CRPPA: variants seen among roughly 807,000 people sequenced by gnomAD.
The protein encoded by CRPPA is CDP-L-ribitol pyrophosphorylase A.
Under a neutral mutation model 52.0 loss-of-function variants are expected in CRPPA, and 43 were observed. That is an observed-to-expected ratio of 0.83 (90% CI 0.65 to 1.07). The LOEUF is 1.07. CRPPA is among the 50% of genes least tolerant of loss of function. The pLI is 0.00. For missense variants in CRPPA, 629 were observed against 551.7 expected (o/e 1.14, Z -1.40); for synonymous variants, 250 against 203.5 (o/e 1.23, Z -1.94).
In CRPPA at chr7:16,281,373, C is replaced by T. The variant is rs557943508; in HGVS notation, c.836-3147G>A. Among the ~76,000 whole-genome samples the T allele has an allele frequency of 2.7e-5, 4 of 150,308 alleles. No individual in the cohort carries two copies. The South Asian group carries it at 8.4e-4, about 32-fold the overall frequency. On this transcript the variant is annotated intron_variant, in intron 5 of 9. Coordinates refer to ENST00000407010, the MANE Select transcript of CRPPA (RefSeq NM_001101426.4). ...TATAAAAATACATTTTGATACAGACCTTGTATAGTCAGTAACCTTGCTACA... is the reference window on the plus strand; with the variant it reads ...TATAAAAATACATTTTGATACAGACTTTGTATAGTCAGTAACCTTGCTACA...
At position 16,399,665 on chromosome 7, in the gene CRPPA, T is replaced by A. The variant is rs114492581; in HGVS notation, c.534+6396A>T. Among the ~76,000 whole-genome samples the A allele has an allele frequency of 3.9e-3, 594 of 151,998 alleles. 5 individuals carry two copies. The highest frequency in any genetic ancestry group is 0.014 in the African/African-American group (574 of 41,450). ...CGACATGTAATCAACGTGTGACACG[T>A]GGCCGACGCATGACCAGTGACACGT... On this transcript the variant is annotated intron_variant, in intron 2 of 9. Transcript: ENST00000407010.
intron 2 of CRPPA, among the ~76,000 whole-genome samples, chr7:16,404,236 C>A (rs1321861703): frequency 6.6e-6 from 1 of 152,102 alleles, no homozygotes; most frequent in Non-Finnish European, 1.5e-5. Flanking sequence ...TGTTCTGAAC[C>A]AGCTTCTTAA....
intron 1 of CRPPA, among the ~76,000 whole-genome samples, chr7:16,416,276 C>A (rs1391947614): frequency 6.6e-6 from 1 of 152,098 alleles, no homozygotes. Context: ...GAAAAGGACT[C>A]CCTATTCCAT....
At chr7:16,375,500 A>G (rs780635835) in intron 3 of CRPPA, among the ~76,000 whole-genome samples, 1 of 152,216 alleles carries the variant, frequency 6.6e-6, no homozygotes, top group Non-Finnish European at 1.5e-5. Context: ...TTTAACTAAA[A>G]TTTTGATTAA....
intron 4 of CRPPA, among the ~76,000 whole-genome samples, chr7:16,307,510 C>T (rs1245797985): frequency 4.0e-5 from 6 of 151,644 alleles, no homozygotes; most frequent in Admixed American, 3.3e-4. Context: ...GGTGAAACCC[C>T]GTCTCTACTA....
chr7:16,281,207 T>A (rs2128418386), intron 5 of CRPPA, among the ~76,000 whole-genome samples: 1 of 152,308 alleles, frequency 6.6e-6, no homozygotes, highest in South Asian at 2.1e-4. Flanking sequence ...ATGAACATGA[T>A]TTGTCCCCTG....
intron 1 of CRPPA, among the ~76,000 whole-genome samples, chr7:16,414,232 C>G (rs138541981): frequency 6.6e-6 from 1 of 152,194 alleles, no homozygotes; most frequent in Non-Finnish European, 1.5e-5. Context: ...AACCCCTACC[C>G]AACTCATCAC....
At chr7:16,389,928 A>AAAAAAAAAT in intron 2 of CRPPA, among the ~76,000 whole-genome samples, 10 of 29,758 alleles carry the variant, frequency 3.4e-4, no homozygotes, top group South Asian at 1.7e-3. Context: ...AAAAAAAAAA[A>AAAAAAAAAT]ATATATATAT....
chr7:16,295,468 A>G (rs772128986), intron 5 of CRPPA, among the ~76,000 whole-genome samples: 16 of 152,226 alleles, frequency 1.1e-4, no homozygotes, highest in Non-Finnish European at 1.8e-4. Flanking sequence ...ACCATGAGGC[A>G]GTTTTGTAGC....
At chr7:16,104,011 G>T (rs750276741) in intron 9 of CRPPA, among the ~76,000 whole-genome samples, 10 of 152,096 alleles carry the variant, frequency 6.6e-5, no homozygotes, top group Non-Finnish European at 1.2e-4. Context: ...GCAAAGAAAA[G>T]GATCATTTAA....
chr7:16,408,117 A>AT (rs1345629476), intron 1 of CRPPA, among the ~76,000 whole-genome samples: 2 of 150,726 alleles, frequency 1.3e-5, no homozygotes, highest in Admixed American at 1.3e-4. Context: ...TTAAAAAAAA[A>AT]AAAATAAAAA....
chr7:16,399,934 CCA>C (rs1362049021), intron 2 of CRPPA, among the ~76,000 whole-genome samples: 2 of 151,518 alleles, frequency 1.3e-5, no homozygotes, highest in African/African-American at 2.4e-5. Flanking sequence ...TGTTATGTGA[CCA>C]TATGTGACAC....
At position 16,280,532 on chromosome 7, in the gene CRPPA, T is replaced by A. The variant is rs559411480; in HGVS notation, c.836-2306A>T. On this transcript the variant is annotated intron_variant, in intron 5 of 9. Transcript: ENST00000407010. ...TGTGATGGTGCCACAAACATTTATA[T>A]AAATTTGTAAAATAATGCATAACAT... is the stretch of plus-strand genomic sequence containing the variant. 2.5e-4 allele frequency among the ~76,000 whole-genome samples: 38 copies of A among 152,318 alleles called. No individual in the cohort carries two copies. The South Asian group carries it at 7.1e-3, about 28-fold the overall frequency.
At chr7:16,296,366 G>A (rs887542799) in intron 5 of CRPPA, among the ~76,000 whole-genome samples, 2 of 152,014 alleles carry the variant, frequency 1.3e-5, no homozygotes, top group Non-Finnish European at 2.9e-5. Context: ...ATGTTGACTT[G>A]AACATAAATT....
chr7:16,157,120 G>T (rs1481178266), intron 9 of CRPPA, among the ~76,000 whole-genome samples: 1 of 151,780 alleles, frequency 6.6e-6, no homozygotes, highest in Non-Finnish European at 1.5e-5. Context: ...TTTTTCAGAA[G>T]GAGAAGAAAT....
At chr7:16,108,445 C>T (rs1782198170) in intron 9 of CRPPA, among the ~76,000 whole-genome samples, 1 of 151,744 alleles carries the variant, frequency 6.6e-6, no homozygotes, top group Non-Finnish European at 1.5e-5. Flanking sequence ...CAACAGAGCA[C>T]TTAAGTATAT....
intron 3 of CRPPA, among the ~76,000 whole-genome samples, chr7:16,351,570 A>C (rs756846363): frequency 3.9e-5 from 6 of 152,162 alleles, no homozygotes; most frequent in South Asian, 2.1e-4. Context: ...ACATGAAAAA[A>C]AAACAAACAA....
Position 16,164,099 on chromosome 7 carries a change from G to C in CRPPA, c.1251+51967C>G, listed in dbSNP as rs991668111. Among the ~76,000 whole-genome samples, 5 of 152,268 alleles carry C rather than the reference G, an allele frequency of 3.3e-5. No individual in the cohort carries two copies. In the South Asian group the frequency reaches 6.2e-4, roughly 19 times the overall value. On this transcript the variant is annotated intron_variant, in intron 9 of 9. Coordinates refer to ENST00000407010, the MANE Select transcript of CRPPA (RefSeq NM_001101426.4). ...GTTCTCCTGGATAATATCCTGAAAT[G>C]TGTTTTCCAACTTGGTTCCATTCTC...
chr7:16,222,028 A>G (rs1249436763), intron 8 of CRPPA, among the ~76,000 whole-genome samples: 11 of 151,128 alleles, frequency 7.3e-5, no homozygotes, highest in Non-Finnish European at 1.6e-4. Context: ...TCACAATAGC[A>G]AAGACTTGGA....
Sources: allele counts gnomAD v4.1 joint callset (sites outside exome capture counted in the v4.1 genomes callset), GRCh38; gene constraint gnomAD v4.1.1; transcripts MANE v1.5; gene names NCBI Gene and HGNC (gene_info 2026-07-23, HGNC 2026-07-21).